Variants in ALOX5 observed in about 807,000 individuals in gnomAD.
The protein encoded by ALOX5 is arachidonate 5-lipoxygenase.
ALOX5 carries 64 observed loss-of-function variants against 87.9 expected under a neutral mutation model. The ratio of observed to expected loss-of-function variants is 0.73; its 90% CI spans 0.60 to 0.90. The LOEUF (loss-of-function observed/expected upper bound fraction) is 0.90, where lower values mean the gene tolerates loss of function less well. ALOX5 is among the 40% of genes least tolerant of loss of function. ALOX5 has a pLI of 0.00. For synonymous variants in ALOX5, 388 were observed against 355.1 expected, an observed-to-expected ratio of 1.09 and a Z score of -1.04; for missense variants, 822 against 907.5, an observed-to-expected ratio of 0.91 and a Z score of 1.21.
chr10:45,406,328 AT>A (rs1840881923), intron 3 of ALOX5, among the ~76,000 whole-genome samples: 2 of 152,064 alleles, frequency 1.3e-5, no homozygotes, highest in Non-Finnish European at 2.9e-5. Context: ...GTGTTAGCCT[AT>A]TTTTCTACTC....
intron 7 of ALOX5, 45 bp from the exon 8 acceptor site, chr10:45,440,385 T>C: frequency 6.3e-7 from 1 of 1,586,940 alleles, no homozygotes. Context: ...AACTATACTC[T>C]GAAGTGAAAT....
chr10:45,409,577 C>G (rs1396643377), intron 3 of ALOX5, among the ~76,000 whole-genome samples: 1 of 151,410 alleles, frequency 6.6e-6, no homozygotes, highest in Non-Finnish European at 1.5e-5. Context: ...CTTTCTCTCT[C>G]TCTCTCTCTC....
At chr10:45,441,464 A>G (rs886562444) in intron 9 of ALOX5, 34 bp downstream of exon 9, 2 of 1,600,904 alleles carry the variant, frequency 1.2e-6, no homozygotes, top group Admixed American at 3.3e-5. Flanking sequence ...GTTGCCTGGA[A>G]GAGCCCAGCC....
chr10:45,428,625 A>G lies in ALOX5; in HGVS notation c.842A>G (p.Asn281Ser), dbSNP rs755519785. Reference protein sequence around the residue: ...LSLEQEVQQGNIFIVDFELLD... With the variant: ...LSLEQEVQQGSIFIVDFELLD... ...TCTCTCTGCCTCCTGCAGCAAGGGA[A>G]CATTTTCATCGTGGACTTTGAGCTG... Residue 281 changes from asparagine (N) to serine (S), a missense_variant, in exon 7 of 14, where the codon AAC (asparagine) becomes AGC (serine). Asn to Ser is a conservative substitution (Grantham distance 46, BLOSUM62 1). Coordinates refer to ENST00000374391, the MANE Select transcript of ALOX5 (RefSeq NM_000698.5). 1 of 1,614,020 alleles carries G rather than the reference A, an allele frequency of 6.2e-7. No individual in the cohort carries two copies. Among genetic ancestry groups the G allele is most frequent in the African/African-American group, 1.3e-5 (1 of 74,936 alleles).
Position 45,412,314 on chromosome 10 carries a change from G to GT in ALOX5, c.554+2dup. On this transcript the variant is annotated splice_donor_variant, in intron 4 of 13. Transcript: ENST00000374391. LOFTEE classifies it high-confidence loss of function. The stretch of plus-strand genomic sequence containing the variant: ...ACTTTGTTCTGAATTACTCCAAAGC[G>GT]TAAGTTTACGAGAACTGAGGGACTC... 6.2e-7 allele frequency: 1 copy of GT among 1,614,086 alleles called. No individual in the cohort carries two copies. Among genetic ancestry groups the GT allele is most frequent in the Non-Finnish European group, 8.5e-7 (1 of 1,179,952 alleles).
Position 45,374,384 on chromosome 10 carries a change from G to C in ALOX5, c.105G>C (p.Lys35Asn). The change falls in exon 1 of 14, where the codon AAG (lysine) becomes AAC (asparagine). Residue 35 changes from lysine (K) to asparagine (N), a missense_variant. Physicochemically the swap from Lys to Asn is moderately conservative, Grantham distance 94. Transcript: ENST00000374391. The part of the protein sequence containing the change: ...SLVGSAGCSE[K>N]HLLDKPFYND... ...TGGGCTCGGCGGGCTGCAGCGAGAA[G>C]CACCTGCTGGACAAGCCCTTCTACA... The C allele has an allele frequency of 5.8e-6, 9 of 1,562,904 alleles. No individual in the cohort carries two copies. Among genetic ancestry groups the C allele is most frequent in the Non-Finnish European group, 6.9e-6 (8 of 1,158,498 alleles).
intron 3 of ALOX5, among the ~76,000 whole-genome samples, chr10:45,400,107 C>T (rs1466231816): frequency 6.6e-6 from 1 of 152,174 alleles, no homozygotes. Flanking sequence ...AACCCAGCTA[C>T]AATATGACCC....
At chr10:45,434,726 A>G (rs1292179614) in intron 7 of ALOX5, among the ~76,000 whole-genome samples, 1 of 152,254 alleles carries the variant, frequency 6.6e-6, no homozygotes, top group Non-Finnish European at 1.5e-5. Flanking sequence ...GTCACCAGGT[A>G]GGAACACAGT....
At chr10:45,419,079 C>A (rs4948672) in intron 4 of ALOX5, among the ~76,000 whole-genome samples, 1 of 151,998 alleles carries the variant, frequency 6.6e-6, no homozygotes, top group African/African-American at 2.4e-5. Flanking sequence ...AGTGAAGGCG[C>A]CGTAGGAAAC....
At chr10:45,435,305 G>T (rs1356856371) in intron 7 of ALOX5, among the ~76,000 whole-genome samples, 1 of 151,314 alleles carries the variant, frequency 6.6e-6, no homozygotes, top group Non-Finnish European at 1.5e-5. Context: ...TCAGGTACAT[G>T]TGCAGGTTTG....
intron 7 of ALOX5, among the ~76,000 whole-genome samples, chr10:45,438,662 G>A (rs770440230): frequency 6.6e-6 from 1 of 152,242 alleles, no homozygotes; most frequent in African/African-American, 2.4e-5. Flanking sequence ...GCAAACGGGT[G>A]TGGCAGTGGG....
chr10:45,444,441 C>A, intron 13 of ALOX5, 155 bp downstream of exon 13: 1 of 1,064,032 alleles, frequency 9.4e-7, no homozygotes, highest in Non-Finnish European at 1.3e-6. Flanking sequence ...CAGCCGCCAC[C>A]AGGTCCCCCG....
intron 4 of ALOX5, among the ~76,000 whole-genome samples, chr10:45,413,569 C>T (rs544958812): frequency 0.015 from 2,354 of 152,298 alleles, 63 homozygotes; most frequent in African/African-American, 0.052. Context: ...TCCTATTCAA[C>T]ATAGTGTTGG....
At chr10:45,435,689 C>T (rs778903011) in intron 7 of ALOX5, among the ~76,000 whole-genome samples, 1 of 152,202 alleles carries the variant, frequency 6.6e-6, no homozygotes, top group Non-Finnish European at 1.5e-5. Context: ...TATTGATGGG[C>T]ACCTAGGTTG....
Position 45,428,648 on chromosome 10 carries a change from C to T in ALOX5, c.865C>T (p.Leu289=). The part of the protein sequence containing the change: ...QGNIFIVDFE[L]LDGIDANKTD... ...GAACATTTTCATCGTGGACTTTGAGCTGCTGGATGGCATCGATGCCAACAA... is the reference window on the plus strand; with the variant it reads ...GAACATTTTCATCGTGGACTTTGAGTTGCTGGATGGCATCGATGCCAACAA... Residue 289 remains leucine (L), a synonymous_variant, in exon 7 of 14, where the codon CTG becomes TTG. Transcript: ENST00000374391. 1.2e-6 allele frequency: 2 copies of T among 1,614,136 alleles called. No individual in the cohort carries two copies. Among genetic ancestry groups the T allele is most frequent in the Non-Finnish European group, 8.5e-7 (1 of 1,180,030 alleles).
At position 45,443,893 on chromosome 10, in the gene ALOX5, CGGT is replaced by C. The variant is rs530647464; in HGVS notation, c.1674+66_1674+68del. ...AAGGCCGCTGCCTCCTCCCCCGCCC[CGGT>C]TCTGCACGCGTACTGCACCCTCGGA... On this transcript the variant is annotated intron_variant, in intron 12 of 13. Coordinates refer to ENST00000374391, the MANE Select transcript of ALOX5 (RefSeq NM_000698.5). 2.5e-5 allele frequency: 38 copies of C among 1,513,714 alleles called. No individual in the cohort carries two copies. The South Asian group carries it at 4.0e-4, about 16-fold the overall frequency. 93.8% of individuals were successfully genotyped at this position (1,513,714 alleles called of 1,614,324 possible).
chr10:45,389,375 C>A (rs1218403539), intron 2 of ALOX5, among the ~76,000 whole-genome samples: 2 of 152,088 alleles, frequency 1.3e-5, no homozygotes, highest in African/African-American at 4.8e-5. Flanking sequence ...AAGAGCAACT[C>A]CGAGACACAT....
At chr10:45,407,110 C>T (rs1840912496) in intron 3 of ALOX5, among the ~76,000 whole-genome samples, 1 of 152,102 alleles carries the variant, frequency 6.6e-6, no homozygotes, top group South Asian at 2.1e-4. Flanking sequence ...CTACCCATCC[C>T]CTCAAACAAA....
rs1841087693 is a variant in ALOX5, at chr10:45,412,176, C to T, written c.432-15C>T. ...CTGGCATTTAACTCAATTTCTTCTC[C>T]TTTCTCATGCTCAGATGGATGGAGT... On this transcript the variant is annotated splice_polypyrimidine_tract_variant and intron_variant, in intron 3 of 13. Transcript: ENST00000374391. 2 of 1,614,020 alleles carry T rather than the reference C, an allele frequency of 1.2e-6. No individual in the cohort carries two copies. Among genetic ancestry groups the T allele is most frequent in the South Asian group, 1.1e-5 (1 of 91,044 alleles).
Sources: allele counts gnomAD v4.1 joint callset (sites outside exome capture counted in the v4.1 genomes callset), GRCh38; gene constraint gnomAD v4.1.1; transcripts MANE v1.5; gene names NCBI Gene and HGNC (gene_info 2026-07-23, HGNC 2026-07-21).